Variants in VWA5B1 observed in about 807,000 individuals in gnomAD.
VWA5B1 encodes von Willebrand factor A domain-containing protein 5B1.
VWA5B1 carries 115 observed loss-of-function variants against 118.2 expected under a neutral mutation model. The observed-to-expected ratio is 0.97, with a 90% CI of 0.84 to 1.14. The LOEUF (loss-of-function observed/expected upper bound fraction) is 1.14. Among genes scored for constraint, VWA5B1 ranks in the 50% most tolerant of loss-of-function variants. VWA5B1 has a pLI of 0.00. For synonymous variants in VWA5B1, 682 were observed against 658.4 expected, an observed-to-expected ratio of 1.04 and a Z score of -0.55; for missense variants, 1,596 against 1,603.8, an observed-to-expected ratio of 1.00 and a Z score of 0.08.
In VWA5B1 at chr1:20,330,185, C is replaced by G. The variant is rs1475426720; in HGVS notation, c.1260C>G (p.Ser420Arg). Reference sequence around the variant, plus strand: ...GACTGTCTGCTTCTCTGCAGGACAGCTTGGCCATGGCTTGTGATGACATCC... The same window carrying G: ...GACTGTCTGCTTCTCTGCAGGACAGGTTGGCCATGGCTTGTGATGACATCC... ...FPSSQTYSED[S>R]LAMACDDIQR... The change falls in exon 10 of 22, where the codon AGC becomes AGG. Residue 420 changes from serine to arginine, a missense_variant. Physicochemically the swap from Ser to Arg is moderately radical, Grantham distance 110. Coordinates refer to ENST00000289815, the MANE Select transcript of VWA5B1 (RefSeq NM_001039500.3). The G allele has an allele frequency of 6.4e-7, 1 of 1,551,756 alleles. No homozygotes were observed. Among genetic ancestry groups the G allele is most frequent in the African/African-American group, 1.4e-5 (1 of 73,178 alleles).
chr1:20,311,802 C>T (rs2088857340), intron 2 of VWA5B1, among the ~76,000 whole-genome samples: 1 of 152,168 alleles, frequency 6.6e-6, no homozygotes, highest in South Asian at 2.1e-4. Flanking sequence ...CCAACACTAC[C>T]CAAAGGGAGC....
intron 2 of VWA5B1, 113 bp from the exon 3 acceptor site, chr1:20,312,723 A>C: frequency 7.4e-7 from 1 of 1,345,418 alleles, no homozygotes; most frequent in Non-Finnish European, 9.6e-7. Context: ...GGCATCCAAT[A>C]AGCGGCAGTG....
In VWA5B1 at chr1:20,355,869, A is replaced by G. The variant is rs1197532330; in HGVS notation, c.*1606A>G. Among the ~76,000 whole-genome samples, 2 of 144,448 alleles carry G rather than the reference A, an allele frequency of 1.4e-5. No homozygotes were observed. The highest frequency in any genetic ancestry group is 5.2e-5 in the African/African-American group (2 of 38,400). 94.8% of individuals were successfully genotyped at this position (144,448 alleles called of 152,430 possible). A position where few individuals can be genotyped will look rare whatever the true frequency, so the allele number is the denominator to read the frequency against. On this transcript the variant is annotated 3_prime_UTR_variant, in exon 22 of 22. Transcript: ENST00000289815. Reference sequence around the variant, plus strand: ...ATTCTCACAGCCCTTTTGAATACTTAAGATGAAATCCCATTGCTGCCTTGT... The same window carrying G: ...ATTCTCACAGCCCTTTTGAATACTTGAGATGAAATCCCATTGCTGCCTTGT...
At position 20,323,438 on chromosome 1, in the gene VWA5B1, C is replaced by G. The variant is rs1459907899; in HGVS notation, c.1049C>G (p.Ser350Ter). The change falls in exon 8 of 22, where the codon TCA (serine) becomes TGA (stop). Residue 350 changes from serine to a stop codon, truncating the protein, a stop_gained. Coordinates refer to ENST00000289815, the MANE Select transcript of VWA5B1 (RefSeq NM_001039500.3). LOFTEE classifies it high-confidence loss of function. ...CTCAACTTCTGTCCCGACCTCCAGTCAGTCCAGCCGTGCCTGAGAAAGGCC... is the reference window on the plus strand; with the variant it reads ...CTCAACTTCTGTCCCGACCTCCAGTGAGTCCAGCCGTGCCTGAGAAAGGCC... ...IMLNFCPDLQ[S>*]VQPCLRKAHG... The G allele has an allele frequency of 1.3e-6, 2 of 1,538,454 alleles. No individual in the cohort carries two copies. The highest frequency in any genetic ancestry group is 8.8e-7 in the Non-Finnish European group (1 of 1,141,286).
intron 1 of VWA5B1, among the ~76,000 whole-genome samples, chr1:20,307,288 C>T (rs2088685721): frequency 6.6e-6 from 1 of 152,204 alleles, no homozygotes; most frequent in Non-Finnish European, 1.5e-5. Context: ...GGCCCGCGCC[C>T]ACCTGAGGCC....
chr1:20,320,468 C>T (rs1051014545), intron 7 of VWA5B1, among the ~76,000 whole-genome samples: 4 of 152,174 alleles, frequency 2.6e-5, no homozygotes, highest in African/African-American at 9.7e-5. Flanking sequence ...AAGCTGGAGC[C>T]CGGGGTTCTC....
intron 9 of VWA5B1, among the ~76,000 whole-genome samples, chr1:20,329,521 C>G (rs2089485100): frequency 6.6e-6 from 1 of 152,006 alleles, no homozygotes; most frequent in African/African-American, 2.4e-5. Context: ...TTTGGCCAGG[C>G]TGGTCTCGAA....
chr1:20,316,094 G>A (rs964934328), intron 4 of VWA5B1, among the ~76,000 whole-genome samples: 1 of 152,220 alleles, frequency 6.6e-6, no homozygotes, highest in Non-Finnish European at 1.5e-5. Context: ...TCTCAAAGGA[G>A]CTCAGATAGA....
chr1:20,348,346 G>C lies in VWA5B1; in HGVS notation c.2866G>C (p.Ala956Pro). The C allele has an allele frequency of 6.4e-7, 1 of 1,551,616 alleles. No individual in the cohort carries two copies. The highest frequency in any genetic ancestry group is 8.7e-7 in the Non-Finnish European group (1 of 1,147,004). The change falls in exon 18 of 22, where the codon GCA (alanine) becomes CCA (proline). Residue 956 changes from alanine to proline, a missense_variant. Coordinates refer to ENST00000289815, the MANE Select transcript of VWA5B1 (RefSeq NM_001039500.3). ...RPQTMLGEDSAPGNDMEASPT... is the reference protein window; with the variant it reads ...RPQTMLGEDSPPGNDMEASPT... Reference sequence around the variant, plus strand: ...GCAGACGATGCTTGGAGAAGATTCGGCACCAGGAAATGGTAAATTTCAGGC... The same window carrying C: ...GCAGACGATGCTTGGAGAAGATTCGCCACCAGGAAATGGTAAATTTCAGGC...
In VWA5B1 at chr1:20,317,572, G is replaced by GA. The variant is rs1236068503; in HGVS notation, c.608dup (p.Asn203LysfsTer2). 2.6e-6 allele frequency: 4 copies of GA among 1,551,756 alleles called. No homozygotes were observed. Among genetic ancestry groups the GA allele is most frequent in the Non-Finnish European group, 3.5e-6 (4 of 1,147,006 alleles). ...TCGGTGCCTGGGCCCCGGGCTCCTG[G>GA]AATAAGTTGTGCCTGGCGACTCTCC... On this transcript the variant is annotated frameshift_variant, in exon 5 of 22. Coordinates refer to ENST00000289815, the MANE Select transcript of VWA5B1 (RefSeq NM_001039500.3). LOFTEE classifies it high-confidence loss of function.
At chr1:20,313,111 A>T (rs1348506521) in intron 3 of VWA5B1, 123 bp downstream of exon 3, 2 of 1,304,686 alleles carry the variant, frequency 1.5e-6, no homozygotes, top group African/African-American at 3.0e-5. Context: ...GCACTGAACT[A>T]GTCAAGAATC....
At chr1:20,299,499 GTTCAAGCGAT>G (rs112396349) in intron 1 of VWA5B1, among the ~76,000 whole-genome samples, 3 of 152,320 alleles carry the variant, frequency 2.0e-5, no homozygotes, top group African/African-American at 7.2e-5. Flanking sequence ...CACTTCCCAG[GTTCAAGCGAT>G]TCTCGTGCCT....
At chr1:20,348,486 G>T in intron 18 of VWA5B1, 128 bp downstream of exon 18, 2 of 1,005,272 alleles carry the variant, frequency 2.0e-6, no homozygotes, top group Non-Finnish European at 3.0e-6. Flanking sequence ...GCTTAGGCAG[G>T]CCCAAGGCAA....
chr1:20,350,482 G>A (rs1439066367), intron 19 of VWA5B1, among the ~76,000 whole-genome samples: 1 of 152,148 alleles, frequency 6.6e-6, no homozygotes. Flanking sequence ...CTAGTTCCCC[G>A]CTGAGGGACC....
intron 7 of VWA5B1, among the ~76,000 whole-genome samples, chr1:20,321,799 T>G (rs1009923729): frequency 6.6e-6 from 1 of 152,074 alleles, no homozygotes; most frequent in Non-Finnish European, 1.5e-5. Flanking sequence ...AATGGTGACC[T>G]TTTTGGAAAA....
rs1299294065 is a variant in VWA5B1, at chr1:20,354,105, G to T, written c.3490G>T (p.Ala1164Ser). 5.2e-6 allele frequency: 8 copies of T among 1,551,344 alleles called. No homozygotes were observed. The African/African-American group carries it at 1.1e-4, about 21-fold the overall frequency. ...ASYFTEWELV[A>S]AKANSWLEQQ... ...CTACTTCACTGAGTGGGAGTTGGTGGCTGCCAAGGCCAACTCATGGCTGGA... is the reference window on the plus strand; with the variant it reads ...CTACTTCACTGAGTGGGAGTTGGTGTCTGCCAAGGCCAACTCATGGCTGGA... Residue 1164 changes from alanine to serine, a missense_variant, in exon 22 of 22, where the codon GCT becomes TCT. By Grantham distance (99) the Ala-to-Ser change is moderately conservative. Coordinates refer to ENST00000289815, the MANE Select transcript of VWA5B1 (RefSeq NM_001039500.3).
rs2089719222 is a variant in VWA5B1, at chr1:20,336,435, G to A, written c.1891G>A (p.Gly631Arg). The A allele has an allele frequency of 6.7e-7, 1 of 1,503,670 alleles. No individual in the cohort carries two copies. The highest frequency in any genetic ancestry group is 8.9e-7 in the Non-Finnish European group (1 of 1,121,486). 93.1% of individuals were successfully genotyped at this position (1,503,670 alleles called of 1,614,324 possible). A position where few individuals can be genotyped will look rare whatever the true frequency, so the allele number is the denominator to read the frequency against. The change falls in exon 13 of 22, where the codon GGG becomes AGG. Residue 631 changes from glycine to arginine, a missense_variant. Gly to Arg is a moderately radical substitution (Grantham distance 125, BLOSUM62 -2). Transcript: ENST00000289815. ...GAACTCGGGGGCACCCTTCATCCTA[G>A]GGCAGGCCAAAAATGCCCGGCTAGC... ...AKNSGAPFIL[G>R]QAKNARLASG...
At chr1:20,342,108 A>C (rs1043625312) in intron 14 of VWA5B1, among the ~76,000 whole-genome samples, 1 of 148,258 alleles carries the variant, frequency 6.7e-6, no homozygotes. Flanking sequence ...CCATACACAC[A>C]AAACAGTTTA....
chr1:20,305,147 G>C (rs1461504438), intron 1 of VWA5B1, among the ~76,000 whole-genome samples: 3 of 147,036 alleles, frequency 2.0e-5, no homozygotes, highest in Non-Finnish European at 4.5e-5. Context: ...ATGGTGATAA[G>C]TGCTAAGGAA....
Sources: allele counts gnomAD v4.1 joint callset (sites outside exome capture counted in the v4.1 genomes callset), GRCh38; gene constraint gnomAD v4.1.1; transcripts MANE v1.5; gene names NCBI Gene and HGNC (gene_info 2026-07-23, HGNC 2026-07-21).